NAALADL2: variants seen among roughly 807,000 people sequenced by gnomAD.
NAALADL2 encodes inactive N-acetylated-alpha-linked acidic dipeptidase-like protein 2.
A neutral mutation model predicts 87.2 loss-of-function variants in NAALADL2; 76 were observed. The ratio of observed to expected loss-of-function variants is 0.87; its 90% CI spans 0.72 to 1.05. NAALADL2 has a LOEUF of 1.05. Ranked by LOEUF, NAALADL2 falls within the 50% of genes least tolerant of loss-of-function variation. The pLI, the probability that NAALADL2 is intolerant of heterozygous loss-of-function variation, is 0.00. For missense variants in NAALADL2, 1,089 were observed against 945.8 expected, an observed-to-expected ratio of 1.15 and a Z score of -1.99; for synonymous variants, 354 against 331.0, an observed-to-expected ratio of 1.07 and a Z score of -0.75.
At chr3:175,135,395 C>T (rs1728957764) in intron 2 of NAALADL2, among the ~76,000 whole-genome samples, 2 of 150,606 alleles carry the variant, frequency 1.3e-5, no homozygotes, top group African/African-American at 2.4e-5. Context: ...TGTTAATATC[C>T]CTAGGCTTCT....
chr3:174,644,265 T>A (rs972191996), intron 2 of NAALADL2, among the ~76,000 whole-genome samples: 1 of 152,220 alleles, frequency 6.6e-6, no homozygotes, highest in Non-Finnish European at 1.5e-5. Context: ...AACAATCATA[T>A]AAACAGTCAA....
intron 1 of NAALADL2, among the ~76,000 whole-genome samples, chr3:174,938,451 G>A (rs1421339376): frequency 1.3e-5 from 2 of 151,942 alleles, no homozygotes; most frequent in East Asian, 1.9e-4. Context: ...TTTATTCCAT[G>A]TCTTTACTAT....
chr3:175,717,815 T>A (rs1440638817), intron 11 of NAALADL2, among the ~76,000 whole-genome samples: 2 of 145,222 alleles, frequency 1.4e-5, no homozygotes, highest in African/African-American at 5.1e-5. Flanking sequence ...TTTTTTTTTT[T>A]TTTTTTTTTT....
intron 1 of NAALADL2, among the ~76,000 whole-genome samples, chr3:174,516,076 T>C (rs181587252): frequency 3.3e-5 from 5 of 151,972 alleles, no homozygotes; most frequent in East Asian, 1.9e-4. Context: ...TACAACTGCA[T>C]TGGCAAACAA....
intron 9 of NAALADL2, among the ~76,000 whole-genome samples, chr3:175,538,143 A>G (rs1711600320): frequency 1.3e-5 from 2 of 152,166 alleles, no homozygotes; most frequent in East Asian, 3.8e-4. Context: ...AGTCCAGAGA[A>G]ATTTCTGAAA....
At chr3:174,489,247 T>C (rs1444521612) in intron 1 of NAALADL2, among the ~76,000 whole-genome samples, 1 of 151,850 alleles carries the variant, frequency 6.6e-6, no homozygotes, top group African/African-American at 2.4e-5. Flanking sequence ...GAAAGAAGAG[T>C]CTTTTTAGCT....
At chr3:175,765,133 CA>C (rs1559986785) in intron 13 of NAALADL2, among the ~76,000 whole-genome samples, 1 of 151,994 alleles carries the variant, frequency 6.6e-6, no homozygotes, top group African/African-American at 2.4e-5. Flanking sequence ...ACCACTTGCA[CA>C]AAAGAATCTA....
intron 2 of NAALADL2, among the ~76,000 whole-genome samples, chr3:175,174,860 A>ACG (rs1224105772): frequency 6.6e-6 from 1 of 151,746 alleles, no homozygotes; most frequent in Non-Finnish European, 1.5e-5. Context: ...ACACACACAC[A>ACG]CACATATCTC....
intron 9 of NAALADL2, among the ~76,000 whole-genome samples, chr3:175,478,803 T>A (rs1160586302): frequency 4.6e-5 from 7 of 151,908 alleles, no homozygotes; most frequent in Non-Finnish European, 8.8e-5. Context: ...GATAAAATTC[T>A]GTAACAGTAT....
intron 1 of NAALADL2, among the ~76,000 whole-genome samples, chr3:175,029,049 T>TTA (rs57707474): frequency 0.74 from 104,011 of 141,186 alleles, 38,015 homozygotes; most frequent in Non-Finnish European, 0.81. Flanking sequence ...TATATTAAAA[T>TTA]TATATATATA....
chr3:174,691,846 C>G (rs1033623043), intron 2 of NAALADL2: 1 of 152,200 alleles, frequency 6.6e-6, no homozygotes, highest in East Asian at 1.9e-4. Context: ...AAATCACTTT[C>G]TTTGCTCATT....
intron 13 of NAALADL2, among the ~76,000 whole-genome samples, chr3:175,783,109 C>G (rs1237081841): frequency 4.6e-5 from 7 of 151,520 alleles, no homozygotes; most frequent in African/African-American, 1.7e-4. Context: ...GTTACTGTAG[C>G]CTTGTAGTAT....
chr3:174,684,639 G>T (rs570135281), intron 2 of NAALADL2, among the ~76,000 whole-genome samples: 2 of 151,930 alleles, frequency 1.3e-5, no homozygotes, highest in African/African-American at 2.4e-5. Context: ...ACTTTTTCTA[G>T]GACTAATGTG....
chr3:174,915,983 A>C (rs1057497912), intron 1 of NAALADL2, among the ~76,000 whole-genome samples: 2 of 152,184 alleles, frequency 1.3e-5, no homozygotes, highest in Non-Finnish European at 2.9e-5. Context: ...GCATCTGATA[A>C]AAGACTAGTG....
At chr3:174,864,171 G>T in intron 1 of NAALADL2, 6 of 412,610 alleles carry the variant, frequency 1.5e-5, no homozygotes, top group Non-Finnish European at 2.4e-5. Context: ...ACAAGAGAGG[G>T]TCTTTGCAGC....
intron 2 of NAALADL2, among the ~76,000 whole-genome samples, chr3:174,659,952 C>T (rs1402046577): frequency 1.3e-5 from 2 of 152,006 alleles, no homozygotes; most frequent in African/African-American, 4.8e-5. Context: ...CTTTTGGGAC[C>T]CCGCTTGAAA....
chr3:175,750,510 G>A (rs1474642313), intron 12 of NAALADL2, among the ~76,000 whole-genome samples: 3 of 152,104 alleles, frequency 2.0e-5, no homozygotes, highest in Non-Finnish European at 4.4e-5. Flanking sequence ...CCAGAAAAAT[G>A]GGAGGATTTG....
intron 5 of NAALADL2, among the ~76,000 whole-genome samples, chr3:175,426,718 GTATTTAT>G (rs72148670): frequency 0.71 from 107,636 of 151,440 alleles, 38,976 homozygotes; most frequent in Middle Eastern, 0.8. Flanking sequence ...TAATAAACAT[GTATTTAT>G]TATTTTTGCC....
chr3:174,519,069 C>T (rs764478210), intron 1 of NAALADL2, among the ~76,000 whole-genome samples: 1 of 152,144 alleles, frequency 6.6e-6, no homozygotes, highest in Admixed American at 6.6e-5. Flanking sequence ...TCACCTACCA[C>T]CTGCAAGACA....
Sources: gnomAD v4.1 joint callset for allele counts (sites outside exome capture counted in the v4.1 genomes callset) on GRCh38, gnomAD v4.1.1 for gene constraint, MANE v1.5 for transcripts, NCBI Gene and HGNC (gene_info 2026-07-23, HGNC 2026-07-21) for gene names.